Variants in TNKS observed in about 807,000 individuals in gnomAD.
TNKS encodes the protein tankyrase, also known as poly [ADP-ribose] polymerase tankyrase-1.
Under a neutral mutation model 135.8 loss-of-function variants are expected in TNKS, and 72 were observed. That is an observed-to-expected ratio of 0.53 (90% CI 0.44 to 0.64). The LOEUF (loss-of-function observed/expected upper bound fraction) is 0.64. TNKS is among the 30% of genes least tolerant of loss of function. The pLI is 0.00. For synonymous variants in TNKS, 849 were observed against 649.3 expected (o/e 1.31, Z -4.68); for missense variants, 1,769 against 1,674.0 (o/e 1.06, Z -0.99).
At chr8:9,650,784 A>C (rs932430821) in intron 3 of TNKS, among the ~76,000 whole-genome samples, 4 of 152,042 alleles carry the variant, frequency 2.6e-5, no homozygotes, top group African/African-American at 9.7e-5. Flanking sequence ...TACTCTGCTG[A>C]TGATTTCTTT....
rs191106982 is a variant in TNKS at position 9,651,602 on chromosome 8, T to C, written c.995-28349T>C. ...TTCCAGATTGGATACTCTCAAGAAATAGTGCAATTCAGTAGTTCAGAAATA... is the reference window on the plus strand; with the variant it reads ...TTCCAGATTGGATACTCTCAAGAAACAGTGCAATTCAGTAGTTCAGAAATA... On this transcript the variant is annotated intron_variant, in intron 3 of 26. Transcript: ENST00000310430. 1.9e-3 allele frequency among the ~76,000 whole-genome samples: 290 copies of C among 152,258 alleles called. 1 individual carries two copies. Among genetic ancestry groups the C allele is most frequent in the African/African-American group, 6.4e-3 (268 of 41,554 alleles).
At chr8:9,658,180 C>G in intron 3 of TNKS, 1 of 248,672 alleles carries the variant, frequency 4.0e-6, no homozygotes, top group Non-Finnish European at 7.2e-6. Context: ...CAGAGGGGCT[C>G]CTCACATCCC....
chr8:9,576,880 AAAT>A (rs1563396251), intron 1 of TNKS, among the ~76,000 whole-genome samples: 2 of 152,168 alleles, frequency 1.3e-5, no homozygotes, highest in African/African-American at 2.4e-5. Flanking sequence ...CATAATATAC[AAAT>A]AATAACATGA....
At chr8:9,727,264 C>T (rs1284986913) in intron 13 of TNKS, among the ~76,000 whole-genome samples, 2 of 151,968 alleles carry the variant, frequency 1.3e-5, no homozygotes. Context: ...TTTTATCAGT[C>T]TGTATTTGTG....
At chr8:9,764,184 A>G (rs545951987) in intron 22 of TNKS, among the ~76,000 whole-genome samples, 3 of 152,208 alleles carry the variant, frequency 2.0e-5, no homozygotes, top group East Asian at 1.9e-4. Context: ...TTTCTTTTCC[A>G]TAATTATTTT....
At position 9,735,433 on chromosome 8, in the gene TNKS, A is replaced by G; in HGVS notation, c.2590A>G (p.Asn864Asp). The stretch of plus-strand genomic sequence containing the variant: ...TCTTCTAGAGCATGGAGCTGATGTT[A>G]ATGCCCAGGACAAGGGTGGTTTAAT... Reference protein sequence around the residue: ...EYLLEHGADVNAQDKGGLIPL... With the variant: ...EYLLEHGADVDAQDKGGLIPL... The change falls in exon 17 of 27, where the codon AAT (asparagine) becomes GAT (aspartate). Residue 864 changes from asparagine (N) to aspartate (D), a missense_variant. Physicochemically the swap from Asn to Asp is conservative, Grantham distance 23. Coordinates refer to ENST00000310430, the MANE Select transcript of TNKS (RefSeq NM_003747.3). 6.2e-7 allele frequency: 1 copy of G among 1,614,118 alleles called. No homozygotes were observed. The highest frequency in any genetic ancestry group is 8.5e-7 in the Non-Finnish European group (1 of 1,180,024).
intron 2 of TNKS, among the ~76,000 whole-genome samples, chr8:9,590,614 C>T (rs1167374167): frequency 1.3e-5 from 2 of 152,130 alleles, no homozygotes; most frequent in Non-Finnish European, 1.5e-5. Context: ...GAGTAAAATG[C>T]CTACTCTGTG....
Position 9,720,419 on chromosome 8 carries a change from G to C in TNKS, c.1795G>C (p.Ala599Pro). Reference protein sequence around the residue: ...TLGQTALHRAALAGHLQTCRL... With the variant: ...TLGQTALHRAPLAGHLQTCRL... ...TGGTCAGACTGCTTTGCATAGAGCCGCCCTAGCAGGTCACCTGCAGACCTG... is the reference window on the plus strand; with the variant it reads ...TGGTCAGACTGCTTTGCATAGAGCCCCCCTAGCAGGTCACCTGCAGACCTG... Residue 599 changes from alanine to proline, a missense_variant, in exon 12 of 27, where the codon GCC (alanine) becomes CCC (proline). This residue lies in a region of TNKS where 523 missense variants were observed against 541.0 expected (regional missense o/e 0.97). Coordinates refer to ENST00000310430, the MANE Select transcript of TNKS (RefSeq NM_003747.3). The C allele has an allele frequency of 6.2e-7, 1 of 1,613,890 alleles. No individual in the cohort carries two copies. The highest frequency in any genetic ancestry group is 8.5e-7 in the Non-Finnish European group (1 of 1,179,924).
At chr8:9,708,338 C>CT (rs750316816) in intron 8 of TNKS, 33 bp from the exon 9 acceptor site, 35 of 1,486,168 alleles carry the variant, frequency 2.4e-5, no homozygotes, top group South Asian at 4.3e-5. Flanking sequence ...ATTTTTACAT[C>CT]TTTTTTTATG....
At chr8:9,706,738 A>C in intron 7 of TNKS, 73 bp from the exon 8 acceptor site, 1 of 1,410,474 alleles carries the variant, frequency 7.1e-7, no homozygotes, top group African/African-American at 1.5e-5. Context: ...TTACAAAGAA[A>C]TAAATGTCTT....
At chr8:9,740,118 T>A (rs993206558) in intron 17 of TNKS, among the ~76,000 whole-genome samples, 4 of 150,132 alleles carry the variant, frequency 2.7e-5, no homozygotes, top group African/African-American at 4.9e-5. Flanking sequence ...CTGTCATCAG[T>A]TGTAAGAGGA....
At chr8:9,697,595 C>G (rs2128804390) in intron 5 of TNKS, among the ~76,000 whole-genome samples, 1 of 151,906 alleles carries the variant, frequency 6.6e-6, no homozygotes, top group East Asian at 1.9e-4. Context: ...TAATTCAAAG[C>G]AAAAACCAGT....
Position 9,710,202 on chromosome 8 carries a change from G to T in TNKS, c.1731G>T (p.Leu577=), listed in dbSNP as rs748805105. The T allele has an allele frequency of 2.5e-6, 4 of 1,614,198 alleles. No individual in the cohort carries two copies. In the South Asian group the frequency reaches 4.4e-5, roughly 18 times the overall value. ...CCCATAATGATGTCATGGAAGTTCT[G>T]CATAAGCATGGCGCCAAGGTGAGGC... ...ERAHNDVMEV[L]HKHGAKMNAL... Residue 577 remains leucine (L), a synonymous_variant, in exon 11 of 27, where the codon CTG becomes CTT. Coordinates refer to ENST00000310430, the MANE Select transcript of TNKS (RefSeq NM_003747.3).
chr8:9,556,302 C>A lies in TNKS; in HGVS notation c.363C>A (p.Ala121=), dbSNP rs1222055045. 1 of 1,614,264 alleles carries A rather than the reference C, an allele frequency of 6.2e-7. No homozygotes were observed. The highest frequency in any genetic ancestry group is 1.3e-5 in the African/African-American group (1 of 75,072). Residue 121 remains alanine (A), a synonymous_variant, in exon 1 of 27, where the codon GCC becomes GCA. Transcript: ENST00000310430. ...CCGCTGGGGTCGCTCCCAACCCAGCCGGCAGTGGCAGTAACAATTCACCGT... is the reference window on the plus strand; with the variant it reads ...CCGCTGGGGTCGCTCCCAACCCAGCAGGCAGTGGCAGTAACAATTCACCGT... ...SSAAGVAPNP[A]GSGSNNSPSS... is the part of the protein sequence containing the mutation.
intron 2 of TNKS, among the ~76,000 whole-genome samples, chr8:9,599,742 T>A (rs971984687): frequency 6.7e-6 from 1 of 149,836 alleles, no homozygotes; most frequent in African/African-American, 2.5e-5. Context: ...GCTATGTATA[T>A]GTACAGAATA....
chr8:9,710,133 T>G lies in TNKS; in HGVS notation c.1671-9T>G. 1.9e-5 allele frequency: 31 copies of G among 1,614,014 alleles called. No individual in the cohort carries two copies. The highest frequency in any genetic ancestry group is 2.5e-5 in the Non-Finnish European group (30 of 1,179,882). ...CAATTACCTTTTCTTTCTTTCCTCTTTTCTGTAGTTTCATGACTCCCCTGC... is the reference window on the plus strand; with the variant it reads ...CAATTACCTTTTCTTTCTTTCCTCTGTTCTGTAGTTTCATGACTCCCCTGC... On this transcript the variant is annotated splice_polypyrimidine_tract_variant and intron_variant, in intron 10 of 26. Coordinates refer to ENST00000310430, the MANE Select transcript of TNKS (RefSeq NM_003747.3).
intron 3 of TNKS, among the ~76,000 whole-genome samples, chr8:9,663,061 A>T (rs60862678): frequency 0.031 from 4,660 of 152,304 alleles, 166 homozygotes; most frequent in African/African-American, 0.091. Context: ...CTGATGACAG[A>T]ATTAGAGGTC....
intron 3 of TNKS, among the ~76,000 whole-genome samples, chr8:9,674,895 G>A (rs1802472355): frequency 6.6e-6 from 1 of 152,116 alleles, no homozygotes; most frequent in Admixed American, 6.5e-5. Context: ...CTTAATTGGT[G>A]GTATGGACTT....
intron 5 of TNKS, among the ~76,000 whole-genome samples, chr8:9,698,374 G>GAAAAAAAAAAAAAAAAAAAAAAAAAAA (rs34311181): frequency 2.0e-5 from 2 of 98,766 alleles, no homozygotes; most frequent in South Asian, 3.9e-4. Flanking sequence ...ATTTTAAAAT[G>GAAAAAAAAAAAAAAAAAAAAAAAAAAA]AAAAAAAAAA....
Sources: allele counts gnomAD v4.1 joint callset (sites outside exome capture counted in the v4.1 genomes callset), GRCh38; gene constraint gnomAD v4.1.1; regional missense constraint gnomAD v4.1.1; transcripts MANE v1.5; gene names NCBI Gene and HGNC (gene_info 2026-07-23, HGNC 2026-07-21).